Variants in IL1RAPL1 observed in about 807,000 individuals in gnomAD.
IL1RAPL1 encodes the protein interleukin-1 receptor accessory protein-like 1.
A neutral mutation model predicts 48.4 loss-of-function variants in IL1RAPL1; 3 were observed. The ratio of observed to expected loss-of-function variants is 0.06; its 90% confidence interval spans 0.03 to 0.16. The LOEUF (loss-of-function observed/expected upper bound fraction) is 0.16. IL1RAPL1 is among the 10% of genes least tolerant of loss of function. The pLI is 1.00. For synonymous variants in IL1RAPL1, 185 were observed against 187.7 expected (o/e 0.99, Z 0.12); for missense variants, 349 against 530.6 (o/e 0.66, Z 3.36).
intron 2 of IL1RAPL1, among the ~76,000 whole-genome samples, chrX:28,871,032 T>C (rs1242306080): frequency 8.9e-6 from 1 of 111,791 alleles, no homozygotes; most frequent in East Asian, 2.8e-4. Context: ...AGTGAAAATA[T>C]TAATTTGTGG....
chrX:28,724,416 C>A (rs1228095190), intron 1 of IL1RAPL1, among the ~76,000 whole-genome samples: 1 of 110,543 alleles, frequency 9.0e-6, no homozygotes, highest in African/African-American at 3.3e-5. Flanking sequence ...AGGATTGCAA[C>A]CCCTGCCTTT....
intron 5 of IL1RAPL1, among the ~76,000 whole-genome samples, chrX:29,570,150 G>A (rs1922548671): frequency 9.0e-6 from 1 of 111,712 alleles, no homozygotes; most frequent in South Asian, 3.8e-4. Flanking sequence ...CGGATGTCAG[G>A]AACTGTGAGA....
chrX:29,711,109 A>G (rs1159836645), intron 6 of IL1RAPL1, among the ~76,000 whole-genome samples: 6 of 62,752 alleles, frequency 9.6e-5, no homozygotes, highest in African/African-American at 3.5e-4. Context: ...TTTTCCCATT[A>G]TTTAGGCCTC....
chrX:28,845,497 A>C (rs545163400), intron 2 of IL1RAPL1, among the ~76,000 whole-genome samples: 1 of 111,605 alleles, frequency 9.0e-6, no homozygotes, highest in Middle Eastern at 4.7e-3. Context: ...TGGTCAACTC[A>C]GGATTTAACC....
intron 6 of IL1RAPL1, among the ~76,000 whole-genome samples, chrX:29,843,706 A>G (rs963956120): frequency 1.1e-4 from 12 of 110,491 alleles, no homozygotes; most frequent in Non-Finnish European, 2.3e-4. Context: ...TGTTTACTCC[A>G]TCTTCAAAGC....
At chrX:29,746,772 T>G (rs1928345321) in intron 6 of IL1RAPL1, among the ~76,000 whole-genome samples, 1 of 111,886 alleles carries the variant, frequency 8.9e-6, no homozygotes, top group Admixed American at 9.4e-5. Flanking sequence ...CATGCCTGGC[T>G]AATTTTTGTA....
chrX:28,862,917 G>T (rs1921982436), intron 2 of IL1RAPL1, among the ~76,000 whole-genome samples: 1 of 108,839 alleles, frequency 9.2e-6, no homozygotes. Context: ...GTCTCACTCT[G>T]TTGCCCAGTC....
At chrX:29,323,713 TTA>T (rs1172683563) in intron 3 of IL1RAPL1, among the ~76,000 whole-genome samples, 1 of 10,952 alleles carries the variant, frequency 9.1e-5, no homozygotes, top group Non-Finnish European at 1.6e-4. Flanking sequence ...ACTGAATTTT[TTA>T]TATATATATA....
chrX:28,869,124 C>G (rs775463203), intron 2 of IL1RAPL1, among the ~76,000 whole-genome samples: 1 of 112,584 alleles, frequency 8.9e-6, no homozygotes, highest in African/African-American at 3.2e-5. Flanking sequence ...CTACAATGTC[C>G]TCGATCTTTG....
intron 2 of IL1RAPL1, among the ~76,000 whole-genome samples, chrX:28,824,273 A>C (rs1936968722): frequency 9.0e-6 from 1 of 110,663 alleles, no homozygotes; most frequent in African/African-American, 3.3e-5. Flanking sequence ...TTACTTTTCA[A>C]AGTTTTTCCC....
rs1200144484 is a variant in IL1RAPL1, at chrX:29,617,895, A to G, written c.704-50535A>G. Among the ~76,000 whole-genome samples, 5 of 111,830 alleles carry G rather than the reference A, an allele frequency of 4.5e-5. No homozygotes were observed. The East Asian group carries it at 1.1e-3, about 25-fold the overall frequency. The stretch of plus-strand genomic sequence containing the variant: ...CATTGAGATTTGATGGAAAGAAATC[A>G]GCTCTCAAATAAGAATGGTGTCACC... On this transcript the variant is annotated intron_variant, in intron 5 of 10. Transcript: ENST00000378993.
rs768607177 is a variant in IL1RAPL1, at chrX:29,198,282, G to T, written c.83-84656G>T. Among the ~76,000 whole-genome samples, 31 of 106,211 alleles carry T rather than the reference G, an allele frequency of 2.9e-4. No homozygotes were observed. The South Asian group carries it at 0.01, about 35-fold the overall frequency. 92.2% of individuals were successfully genotyped at this position (106,211 alleles called of 115,157 possible). A position where few individuals can be genotyped will look rare whatever the true frequency, so the allele number is the denominator to read the frequency against. The stretch of plus-strand genomic sequence containing the variant: ...CTAGATTTGGCAAAAAAGATTTTAG[G>T]TTTTTTTTTTCTTTTTTTCTTTTTC... On this transcript the variant is annotated intron_variant, in intron 2 of 10. Coordinates refer to ENST00000378993, the MANE Select transcript of IL1RAPL1 (RefSeq NM_014271.4).
At chrX:28,706,786 T>C (rs780223680) in intron 1 of IL1RAPL1, among the ~76,000 whole-genome samples, 3 of 111,777 alleles carry the variant, frequency 2.7e-5, no homozygotes, top group Non-Finnish European at 5.6e-5. Context: ...ATGACTGTAC[T>C]TTGATAATAG....
chrX:29,050,481 A>G (rs1488456180), intron 2 of IL1RAPL1, among the ~76,000 whole-genome samples: 12 of 111,922 alleles, frequency 1.1e-4, no homozygotes, highest in Non-Finnish European at 2.1e-4. Flanking sequence ...TTATTGAGTT[A>G]TAATTTCTAA....
At chrX:29,173,569 A>G (rs898689332) in intron 2 of IL1RAPL1, among the ~76,000 whole-genome samples, 6 of 111,138 alleles carry the variant, frequency 5.4e-5, no homozygotes, top group Non-Finnish European at 1.1e-4. Flanking sequence ...TTACAGGGCC[A>G]CTCTATTATT....
intron 6 of IL1RAPL1, among the ~76,000 whole-genome samples, chrX:29,854,272 T>C (rs1161075985): frequency 2.7e-5 from 3 of 111,592 alleles, no homozygotes; most frequent in Admixed American, 1.9e-4. Context: ...GGCTTTCACT[T>C]TATGCTGTCT....
intron 6 of IL1RAPL1, among the ~76,000 whole-genome samples, chrX:29,773,537 G>T (rs978778394): frequency 8.9e-6 from 1 of 112,338 alleles, no homozygotes; most frequent in African/African-American, 3.2e-5. Context: ...TTAATATTTT[G>T]ATTCAGCACA....
chrX:28,825,144 C>T (rs1454945156), intron 2 of IL1RAPL1, among the ~76,000 whole-genome samples: 2 of 111,642 alleles, frequency 1.8e-5, no homozygotes, highest in Non-Finnish European at 3.8e-5. Context: ...GAACCTAGCT[C>T]CTTAATGGTA....
intron 6 of IL1RAPL1, among the ~76,000 whole-genome samples, chrX:29,772,052 C>T (rs1193687293): frequency 1.8e-5 from 2 of 110,048 alleles, no homozygotes; most frequent in East Asian, 5.7e-4. Flanking sequence ...CCCACCAGGT[C>T]CCTCCCACAA....
Sources: gnomAD v4.1 joint callset for allele counts (sites outside exome capture counted in the v4.1 genomes callset) on GRCh38, gnomAD v4.1.1 for gene constraint, MANE v1.5 for transcripts, NCBI Gene and HGNC (gene_info 2026-07-23, HGNC 2026-07-21) for gene names.